The following SGCZ variants were observed in gnomAD, a reference collection of about 807,000 sequenced individuals.
SGCZ encodes the protein sarcoglycan zeta, also known as zeta-sarcoglycan.
A neutral mutation model predicts 41.3 loss-of-function variants in SGCZ; 40 were observed. The ratio of observed to expected loss-of-function variants is 0.97; its 90% confidence interval spans 0.75 to 1.26. The LOEUF is 1.26. Ranked by LOEUF, SGCZ falls within the 50% of genes most tolerant of loss-of-function variation. The pLI, the probability that SGCZ is intolerant of heterozygous loss-of-function variation, is 0.00. For synonymous variants in SGCZ, 206 were observed against 137.5 expected (o/e 1.50, Z -3.49); for missense variants, 552 against 369.8 (o/e 1.49, Z -4.04).
chr8:14,974,763 T>C (rs13261120), intron 1 of SGCZ, among the ~76,000 whole-genome samples: 57,070 of 151,396 alleles, frequency 0.38, 11,487 homozygotes, highest in Non-Finnish European at 0.43. Flanking sequence ...TGAACTATAG[T>C]CCATGATACT....
At chr8:14,470,932 A>G (rs1197621242) in intron 2 of SGCZ, among the ~76,000 whole-genome samples, 1 of 152,162 alleles carries the variant, frequency 6.6e-6, no homozygotes, top group Non-Finnish European at 1.5e-5. Flanking sequence ...GATCTTTAGT[A>G]AGCTTGGCCC....
chr8:15,152,440 G>T (rs1799206033), intron 1 of SGCZ, among the ~76,000 whole-genome samples: 3 of 152,184 alleles, frequency 2.0e-5, no homozygotes, highest in African/African-American at 7.2e-5. Flanking sequence ...GAAACAAGGT[G>T]TTAGAACAGC....
At chr8:14,248,641 TAGA>T (rs1489917956) in intron 3 of SGCZ, among the ~76,000 whole-genome samples, 1 of 152,118 alleles carries the variant, frequency 6.6e-6, no homozygotes, top group Admixed American at 6.6e-5. Flanking sequence ...AATCTCTAAC[TAGA>T]AGGAGGATAA....
In SGCZ at chr8:14,256,529, CTA is replaced by C. The variant is rs1028391069; in HGVS notation, c.337-18852_337-18851del. Among the ~76,000 whole-genome samples the C allele has an allele frequency of 3.8e-4, 57 of 150,676 alleles. 1 individual carries two copies. Among genetic ancestry groups the C allele is most frequent in the African/African-American group, 1.3e-3 (55 of 41,466 alleles). On this transcript the variant is annotated intron_variant, in intron 3 of 7. Transcript: ENST00000382080. ...ATACATATATGATATATAAATCCTACTATGAGTTTTTGATGTTCAGTTGGAAT... is the reference window on the plus strand; with the variant it reads ...ATACATATATGATATATAAATCCTACTGAGTTTTTGATGTTCAGTTGGAAT...
At chr8:14,711,984 C>T (rs570441336) in intron 1 of SGCZ, among the ~76,000 whole-genome samples, 1 of 152,042 alleles carries the variant, frequency 6.6e-6, no homozygotes, top group Non-Finnish European at 1.5e-5. Context: ...TAAAGCTTAA[C>T]CAGGCCAGGC....
chr8:15,128,721 G>T (rs926104584), intron 1 of SGCZ, among the ~76,000 whole-genome samples: 1 of 152,170 alleles, frequency 6.6e-6, no homozygotes, highest in Non-Finnish European at 1.5e-5. Flanking sequence ...ATAAGAAACA[G>T]ATGCACTCCT....
At chr8:14,255,644 T>C (rs1799436902) in intron 3 of SGCZ, among the ~76,000 whole-genome samples, 1 of 152,086 alleles carries the variant, frequency 6.6e-6, no homozygotes. Flanking sequence ...CCAAAAATAT[T>C]CTTTTAATGA....
At chr8:14,140,738 A>G (rs7819291) in intron 5 of SGCZ, among the ~76,000 whole-genome samples, 70,057 of 152,006 alleles carry the variant, frequency 0.46, 19,405 homozygotes, top group Non-Finnish European at 0.63. Flanking sequence ...GAAAATGGCC[A>G]TACTGCCCAA....
chr8:14,525,438 C>T (rs925448409), intron 2 of SGCZ, among the ~76,000 whole-genome samples: 16 of 152,056 alleles, frequency 1.1e-4, no homozygotes, highest in Non-Finnish European at 2.4e-4. Context: ...GTATGTTATA[C>T]TTTGTTTTCA....
At chr8:14,558,613 A>AGAGAGAGAGAGAGAG (rs59852253) in intron 1 of SGCZ, among the ~76,000 whole-genome samples, 201 of 148,476 alleles carry the variant, frequency 1.4e-3, no homozygotes, top group Middle Eastern at 3.5e-3. Flanking sequence ...AGAGAGAGAG[A>AGAGAGAGAGAGAGAG]ATCTTCCATA....
chr8:15,107,997 G>A lies in SGCZ; in HGVS notation c.39+129588C>T, dbSNP rs187608978. Among the ~76,000 whole-genome samples, 904 of 151,948 alleles carry A rather than the reference G, an allele frequency of 5.9e-3. 6 individuals are homozygous for A. Among genetic ancestry groups the A allele is most frequent in the Non-Finnish European group, 6.6e-3 (447 of 67,976 alleles). On this transcript the variant is annotated intron_variant, in intron 1 of 7. Coordinates refer to ENST00000382080, the MANE Select transcript of SGCZ (RefSeq NM_139167.4). Reference sequence around the variant, plus strand: ...GTAGTTATTCTGCTGATCTCATTTCGAATTTATACAGTCTTATTTTCCAAT... The same window carrying A: ...GTAGTTATTCTGCTGATCTCATTTCAAATTTATACAGTCTTATTTTCCAAT...
chr8:14,724,604 TATAA>T (rs1367577203), intron 1 of SGCZ, among the ~76,000 whole-genome samples: 14 of 151,938 alleles, frequency 9.2e-5, no homozygotes, highest in African/African-American at 3.4e-4. Context: ...TTGATATTAA[TATAA>T]ATAATCAGAG....
At chr8:14,442,852 G>C (rs139251963) in intron 2 of SGCZ, among the ~76,000 whole-genome samples, 1 of 152,098 alleles carries the variant, frequency 6.6e-6, no homozygotes, top group Non-Finnish European at 1.5e-5. Context: ...TGTTATTATT[G>C]TCTGTCTAAT....
chr8:14,391,223 T>C (rs904391079), intron 2 of SGCZ, among the ~76,000 whole-genome samples: 1 of 152,142 alleles, frequency 6.6e-6, no homozygotes, highest in Non-Finnish European at 1.5e-5. Context: ...TCTTCTGTCA[T>C]CATCAATGAA....
rs543274972 is a variant in SGCZ, at chr8:14,383,890, A to G, written c.235-59686T>C. Among the ~76,000 whole-genome samples the G allele has an allele frequency of 6.6e-5, 10 of 152,226 alleles. No homozygotes were observed. In the South Asian group the frequency reaches 2.1e-3, roughly 32 times the overall value. ...TGGAGAAACTACAGAACTTACAGGC[A>G]TTAAGTAACACGCTCCAAATTTGTT... On this transcript the variant is annotated intron_variant, in intron 2 of 7. Coordinates refer to ENST00000382080, the MANE Select transcript of SGCZ (RefSeq NM_139167.4).
At chr8:14,246,711 T>C (rs1190262267) in intron 3 of SGCZ, among the ~76,000 whole-genome samples, 6 of 151,532 alleles carry the variant, frequency 4.0e-5, no homozygotes, top group African/African-American at 1.5e-4. Context: ...ATCAAGACCA[T>C]CCTGGCTGAC....
chr8:14,623,461 G>A (rs565952794), intron 1 of SGCZ, among the ~76,000 whole-genome samples: 127 of 152,244 alleles, frequency 8.3e-4, no homozygotes, highest in Admixed American at 2.8e-3. Flanking sequence ...TCTGACCTCT[G>A]TTGTTTTTCT....
chr8:14,789,011 C>T (rs1187972631), intron 1 of SGCZ, among the ~76,000 whole-genome samples: 1 of 152,010 alleles, frequency 6.6e-6, no homozygotes, highest in Non-Finnish European at 1.5e-5. Flanking sequence ...TGTTCGAAAA[C>T]ACCTTATTTA....
intron 1 of SGCZ, among the ~76,000 whole-genome samples, chr8:15,190,918 G>A (rs1171982564): frequency 6.6e-6 from 1 of 151,936 alleles, no homozygotes; most frequent in Non-Finnish European, 1.5e-5. Flanking sequence ...AGTTTTAAGT[G>A]ACTTAGAAAT....
Sources: gnomAD v4.1 joint callset for allele counts (sites outside exome capture counted in the v4.1 genomes callset) on GRCh38, gnomAD v4.1.1 for gene constraint, MANE v1.5 for transcripts, NCBI Gene and HGNC (gene_info 2026-07-23, HGNC 2026-07-21) for gene names.